The following GRIK1 variants were observed in gnomAD, a reference collection of about 807,000 sequenced individuals.
GRIK1 encodes the protein glutamate receptor ionotropic, kainate 1.
GRIK1 carries 69 observed loss-of-function variants against 105.7 expected under a neutral mutation model. The observed-to-expected ratio is 0.65, with a 90% CI of 0.54 to 0.80. The LOEUF (loss-of-function observed/expected upper bound fraction) is 0.80. Among genes scored for constraint, GRIK1 ranks in the 30% least tolerant of loss-of-function variants. The probability of loss-of-function intolerance (pLI) is 0.00; values close to 1 mark genes in which losing one functional copy is unlikely to be tolerated. For missense variants in GRIK1, 1,109 were observed against 1,167.3 expected (o/e 0.95, Z 0.73); for synonymous variants, 438 against 431.3 (o/e 1.02, Z -0.19).
intron 3 of GRIK1, among the ~76,000 whole-genome samples, chr21:29,674,377 T>C (rs1037387386): frequency 9.2e-5 from 14 of 151,998 alleles, no homozygotes; most frequent in African/African-American, 3.1e-4. Flanking sequence ...ACAATAAATT[T>C]ATAATGATAT....
chr21:29,807,537 C>T (rs2066899263), intron 1 of GRIK1, among the ~76,000 whole-genome samples: 1 of 151,910 alleles, frequency 6.6e-6, no homozygotes, highest in Non-Finnish European at 1.5e-5. Flanking sequence ...AGTCAAGTGG[C>T]CTGCATAGTT....
At chr21:29,779,499 G>A (rs2145771019) in intron 1 of GRIK1, among the ~76,000 whole-genome samples, 1 of 148,826 alleles carries the variant, frequency 6.7e-6, no homozygotes, top group Admixed American at 6.7e-5. Context: ...TTTATGGTGT[G>A]TGTGTGTGTG....
At chr21:29,679,718 C>T (rs1568967075) in intron 3 of GRIK1, among the ~76,000 whole-genome samples, 1 of 152,082 alleles carries the variant, frequency 6.6e-6, no homozygotes, top group Non-Finnish European at 1.5e-5. Flanking sequence ...TCTTTCTTTC[C>T]TAACCTCTAC....
chr21:29,730,657 C>T (rs1175975602), intron 1 of GRIK1, among the ~76,000 whole-genome samples: 3 of 152,142 alleles, frequency 2.0e-5, no homozygotes, highest in Non-Finnish European at 4.4e-5. Flanking sequence ...TTATTAGCTT[C>T]TCTTCCTCAG....
intron 16 of GRIK1, among the ~76,000 whole-genome samples, chr21:29,541,593 T>TTTTTTTTTTTTTTTTTG: frequency 6.7e-6 from 1 of 149,254 alleles, no homozygotes; most frequent in African/African-American, 2.5e-5. Flanking sequence ...TTTTTTTTTT[T>TTTTTTTTTTTTTTTTTG]TTTGTGGGAG....
At chr21:29,572,022 CAG>C (rs955234569) in intron 14 of GRIK1, among the ~76,000 whole-genome samples, 6 of 152,076 alleles carry the variant, frequency 3.9e-5, no homozygotes, top group African/African-American at 1.2e-4. Context: ...CTTTAACTGA[CAG>C]AGAAAGGGCT....
At chr21:29,649,098 G>T (rs2062675406) in intron 6 of GRIK1, among the ~76,000 whole-genome samples, 1 of 152,028 alleles carries the variant, frequency 6.6e-6, no homozygotes, top group Non-Finnish European at 1.5e-5. Context: ...CACCTCCCAT[G>T]ACACAGTTTC....
chr21:29,766,354 TG>T (rs1245814050), intron 1 of GRIK1, among the ~76,000 whole-genome samples: 2 of 152,196 alleles, frequency 1.3e-5, no homozygotes, highest in Non-Finnish European at 2.9e-5. Flanking sequence ...TAGGTGCTAC[TG>T]GCTTCCAGTG....
At chr21:29,742,915 T>G (rs1410702957) in intron 1 of GRIK1, among the ~76,000 whole-genome samples, 1 of 152,336 alleles carries the variant, frequency 6.6e-6, no homozygotes, top group East Asian at 1.9e-4. Flanking sequence ...GGCTTGAGTC[T>G]GTTTCTGCGT....
At chr21:29,706,307 A>G (rs2063907444) in intron 1 of GRIK1, among the ~76,000 whole-genome samples, 1 of 152,266 alleles carries the variant, frequency 6.6e-6, no homozygotes, top group Admixed American at 6.5e-5. Flanking sequence ...TAATTGTACA[A>G]AATGATACAC....
intron 4 of GRIK1, among the ~76,000 whole-genome samples, 199 bp downstream of exon 4, chr21:29,672,784 C>T (rs1371617653): frequency 6.6e-6 from 1 of 152,212 alleles, no homozygotes; most frequent in African/African-American, 2.4e-5. Flanking sequence ...ACTAAACACT[C>T]ACATTATGGC....
At chr21:29,683,037 C>A (rs1014903989) in intron 3 of GRIK1, among the ~76,000 whole-genome samples, 1 of 152,154 alleles carries the variant, frequency 6.6e-6, no homozygotes, top group Non-Finnish European at 1.5e-5. Context: ...AAAAAATGCT[C>A]ATCATGACAG....
chr21:29,656,770 G>T (rs1019132699), intron 4 of GRIK1, among the ~76,000 whole-genome samples: 1 of 152,166 alleles, frequency 6.6e-6, no homozygotes, highest in Non-Finnish European at 1.5e-5. Context: ...AATAAAGAGG[G>T]TATTAGATGA....
At position 29,558,376 on chromosome 21, in the gene GRIK1, T is replaced by TCACACACACACACACACACA. The variant is rs35594883; in HGVS notation, c.2357-3094_2357-3075dup. On this transcript the variant is annotated intron_variant, in intron 15 of 17. Transcript: ENST00000327783. Reference sequence around the variant, plus strand: ...TATATATATATTTCATATATATATTTCACACACACACACACACACACATAT... The same window carrying TCACACACACACACACACACA: ...TATATATATATTTCATATATATATTTCACACACACACACACACACACACACACACACACACACACACATAT... 2.6e-3 allele frequency among the ~76,000 whole-genome samples: 375 copies of TCACACACACACACACACACA among 147,014 alleles called. 5 individuals carry two copies. The highest frequency in any genetic ancestry group is 8.3e-3 in the African/African-American group (331 of 39,794).
At chr21:29,782,086 C>CTTT (rs35928677) in intron 1 of GRIK1, among the ~76,000 whole-genome samples, 19 of 136,968 alleles carry the variant, frequency 1.4e-4, no homozygotes, top group Non-Finnish European at 2.2e-4. Flanking sequence ...ACTGCAACAC[C>CTTT]TTTTTTTTTT....
intron 4 of GRIK1, among the ~76,000 whole-genome samples, chr21:29,656,825 G>A (rs752014855): frequency 6.6e-6 from 1 of 152,132 alleles, no homozygotes; most frequent in African/African-American, 2.4e-5. Flanking sequence ...TCTCAACAAC[G>A]TCTCTACTAA....
chr21:29,939,640 C>G lies in GRIK1; in HGVS notation c.-140G>C. On this transcript the variant is annotated 5_prime_UTR_variant, in exon 1 of 18. Transcript: ENST00000327783. The stretch of plus-strand genomic sequence containing the variant: ...CGCTGCGCGCTCCCCACGGAGCGAG[C>G]TCGAGGGAACCCGCGTGGGACCGCG... 1 of 563,720 alleles carries G rather than the reference C, an allele frequency of 1.8e-6. No individual in the cohort carries two copies. Among genetic ancestry groups the G allele is most frequent in the Non-Finnish European group, 3.0e-6 (1 of 328,740 alleles). 34.9% of individuals were successfully genotyped at this position (563,720 alleles called of 1,614,324 possible).
At chr21:29,771,672 A>T (rs1389185293) in intron 1 of GRIK1, among the ~76,000 whole-genome samples, 2 of 152,180 alleles carry the variant, frequency 1.3e-5, no homozygotes, top group South Asian at 4.1e-4. Flanking sequence ...GGCTGCACAA[A>T]CCCAAGCCAG....
At chr21:29,758,299 G>A (rs1193865532) in intron 1 of GRIK1, among the ~76,000 whole-genome samples, 1 of 152,184 alleles carries the variant, frequency 6.6e-6, no homozygotes, top group African/African-American at 2.4e-5. Context: ...AAGAAAAGAG[G>A]TTTAATGGAC....
Sources: gnomAD v4.1 joint callset for allele counts (sites outside exome capture counted in the v4.1 genomes callset) on GRCh38, gnomAD v4.1.1 for gene constraint, MANE v1.5 for transcripts, NCBI Gene and HGNC (gene_info 2026-07-23, HGNC 2026-07-21) for gene names.